Variants in WDR49 observed in about 807,000 individuals in gnomAD.
WDR49 encodes WD repeat domain 49.
A neutral mutation model predicts 119.5 loss-of-function variants in WDR49; 107 were observed. The ratio of observed to expected loss-of-function variants is 0.90; its 90% CI spans 0.77 to 1.05. The LOEUF is 1.05. WDR49 is among the 50% of genes least tolerant of loss of function. WDR49 has a pLI of 0.00. For missense variants in WDR49, 1,240 were observed against 1,220.5 expected, an observed-to-expected ratio of 1.02 and a Z score of -0.24; for synonymous variants, 425 against 418.8, an observed-to-expected ratio of 1.01 and a Z score of -0.18.
intron 8 of WDR49, among the ~76,000 whole-genome samples, chr3:167,561,325 T>C (rs116770445): frequency 0.015 from 2,210 of 152,120 alleles, 52 homozygotes; most frequent in African/African-American, 0.049. Context: ...TTGTCTATGG[T>C]CTACACCTGT....
At chr3:167,582,990 A>T (rs1245415325) in intron 7 of WDR49, among the ~76,000 whole-genome samples, 2 of 151,700 alleles carry the variant, frequency 1.3e-5, no homozygotes, top group Non-Finnish European at 2.9e-5. Flanking sequence ...ACACACACAC[A>T]GATAGAGAGA....
chr3:167,554,583 C>T (rs1712802668), intron 10 of WDR49, 67 bp downstream of exon 10: 2 of 1,073,548 alleles, frequency 1.9e-6, no homozygotes, highest in South Asian at 1.8e-5. Flanking sequence ...GACACAGAGT[C>T]AACCAAGATT....
intron 5 of WDR49, among the ~76,000 whole-genome samples, chr3:167,609,438 T>C (rs1311614635): frequency 6.6e-6 from 1 of 152,144 alleles, no homozygotes; most frequent in African/African-American, 2.4e-5. Flanking sequence ...TGTGCTGTCC[T>C]GGCAAAGCAG....
Position 167,554,573 on chromosome 3 carries a change from GAC to G in WDR49, c.1823+75_1823+76del, listed in dbSNP as rs1354463977. Reference sequence around the variant, plus strand: ...ACCTAGGTCACCAGCAAGTTTTAATGACACAGAGTCAACCAAGATTTTTATGT... The same window carrying G: ...ACCTAGGTCACCAGCAAGTTTTAATGACAGAGTCAACCAAGATTTTTATGT... On this transcript the variant is annotated intron_variant, in intron 10 of 18. Coordinates refer to ENST00000682715, the MANE Select transcript of WDR49 (RefSeq NM_001366157.1). 6.9e-5 allele frequency: 62 copies of G among 893,642 alleles called. 1 individual carries two copies. The South Asian group carries it at 1.2e-3, about 17-fold the overall frequency. 55.4% of individuals were successfully genotyped at this position (893,642 alleles called of 1,614,324 possible). A position where few individuals can be genotyped will look rare whatever the true frequency, so the allele number is the denominator to read the frequency against.
At chr3:167,528,557 T>C (rs1752723996) in intron 14 of WDR49, among the ~76,000 whole-genome samples, 1 of 151,120 alleles carries the variant, frequency 6.6e-6, no homozygotes, top group Middle Eastern at 3.2e-3. Context: ...TAAAATAAAA[T>C]AAAATAAAAT....
chr3:167,650,385 T>C (rs1346215692), intron 2 of WDR49, among the ~76,000 whole-genome samples: 1 of 152,212 alleles, frequency 6.6e-6, no homozygotes, highest in East Asian at 1.9e-4. Flanking sequence ...CTATGAATAA[T>C]GCAAGTTTCT....
chr3:167,541,826 CT>C lies in WDR49; in HGVS notation c.1824-4827del, dbSNP rs369791136. Among the ~76,000 whole-genome samples the C allele has an allele frequency of 9.9e-4, 151 of 152,092 alleles. No individual in the cohort carries two copies. In the Middle Eastern group the frequency reaches 0.014, roughly 14 times the overall value. ...AAGAGACTCACCTAACATATAAGGA[CT>C]CATAAACTTAAGGTAAAGGGGTGGA... On this transcript the variant is annotated intron_variant, in intron 10 of 18. Coordinates refer to ENST00000682715, the MANE Select transcript of WDR49 (RefSeq NM_001366157.1).
chr3:167,623,706 T>A (rs186954535), intron 3 of WDR49, among the ~76,000 whole-genome samples: 2 of 152,068 alleles, frequency 1.3e-5, no homozygotes, highest in Admixed American at 1.3e-4. Flanking sequence ...ACCAGATAAA[T>A]TAAGCAAGAA....
intron 15 of WDR49, among the ~76,000 whole-genome samples, chr3:167,526,664 G>A (rs576505034): frequency 3.3e-5 from 5 of 152,230 alleles, no homozygotes; most frequent in African/African-American, 1.2e-4. Context: ...GTTACATTGA[G>A]ACTGTCGTCT....
chr3:167,497,402 G>C (rs1346817992), intron 18 of WDR49, among the ~76,000 whole-genome samples: 1 of 152,082 alleles, frequency 6.6e-6, no homozygotes, highest in Non-Finnish European at 1.5e-5. Flanking sequence ...CTTTGGGGAA[G>C]TTACAGGAAA....
At chr3:167,631,055 G>A (rs1341177835) in intron 2 of WDR49, among the ~76,000 whole-genome samples, 2 of 151,254 alleles carry the variant, frequency 1.3e-5, no homozygotes, top group South Asian at 2.1e-4. Context: ...CTAAAGAGAT[G>A]TTAAAAACAA....
intron 17 of WDR49, among the ~76,000 whole-genome samples, chr3:167,500,601 A>T (rs1751524902): frequency 6.6e-6 from 1 of 152,160 alleles, no homozygotes; most frequent in Admixed American, 6.5e-5. Context: ...GAAAAGCTCC[A>T]GTTTTTCTTT....
At chr3:167,590,149 A>G (rs1302549753) in intron 7 of WDR49, among the ~76,000 whole-genome samples, 4 of 152,120 alleles carry the variant, frequency 2.6e-5, no homozygotes, top group African/African-American at 7.2e-5. Context: ...TTCAGAATCA[A>G]TTGGAACGAT....
chr3:167,646,864 T>C (rs145068104), intron 2 of WDR49, among the ~76,000 whole-genome samples: 2,227 of 152,026 alleles, frequency 0.015, 55 homozygotes, highest in African/African-American at 0.05. Flanking sequence ...CCATAGAACG[T>C]TGGTGAGACA....
Position 167,653,312 on chromosome 3 carries a change from A to G in WDR49, c.114T>C (p.Leu38=). The G allele has an allele frequency of 6.5e-7, 1 of 1,536,196 alleles. No homozygotes were observed. The highest frequency in any genetic ancestry group is 8.7e-7 in the Non-Finnish European group (1 of 1,146,910). The part of the protein sequence containing the change: ...TAFEDYGTGL[L]ENQLSVGDFV... ...AGTCACCCACGCTGAGTTGGTTTTC[A>G]AGCAGGCCTGTGCCATAGTCTTCAA... is the stretch of plus-strand genomic sequence containing the variant. The change falls in exon 2 of 19, where the codon CTT becomes CTC. Residue 38 remains leucine, a synonymous_variant. Coordinates refer to ENST00000682715, the MANE Select transcript of WDR49 (RefSeq NM_001366157.1).
At chr3:167,624,745 C>T (rs1717047873) in intron 3 of WDR49, among the ~76,000 whole-genome samples, 1 of 151,944 alleles carries the variant, frequency 6.6e-6, no homozygotes, top group African/African-American at 2.4e-5. Context: ...CAGTGCAAAA[C>T]AAATATTATA....
intron 7 of WDR49, among the ~76,000 whole-genome samples, chr3:167,601,365 C>T (rs1715760029): frequency 6.6e-6 from 1 of 152,058 alleles, no homozygotes; most frequent in African/African-American, 2.4e-5. Flanking sequence ...TAGCATACAA[C>T]AAAAATTTAT....
chr3:167,621,658 T>C lies in WDR49; in HGVS notation c.607-15A>G. 1 of 1,513,102 alleles carries C rather than the reference T, an allele frequency of 6.6e-7. No individual in the cohort carries two copies. Among genetic ancestry groups the C allele is most frequent in the Non-Finnish European group, 8.8e-7 (1 of 1,136,410 alleles). The allele number at this position is 1,513,102 out of a possible 1,614,324, so 93.7% of individuals were successfully genotyped here. ...GCCACTGCTATCTAAAGTAGCAGAGTAGAAAATCAGAAAGTAATTCTGATG... is the reference window on the plus strand; with the variant it reads ...GCCACTGCTATCTAAAGTAGCAGAGCAGAAAATCAGAAAGTAATTCTGATG... On this transcript the variant is annotated splice_polypyrimidine_tract_variant and intron_variant, in intron 3 of 18. Transcript: ENST00000682715.
At chr3:167,541,759 C>T (rs184819594) in intron 10 of WDR49, among the ~76,000 whole-genome samples, 4 of 152,110 alleles carry the variant, frequency 2.6e-5, no homozygotes, top group African/African-American at 9.6e-5. Flanking sequence ...TACAGAATGC[C>T]AGAATGGATA....
Sources: gnomAD v4.1 joint callset for allele counts (sites outside exome capture counted in the v4.1 genomes callset) on GRCh38, gnomAD v4.1.1 for gene constraint, MANE v1.5 for transcripts, NCBI Gene and HGNC (gene_info 2026-07-23, HGNC 2026-07-21) for gene names.